Variants in ZNF718 observed in about 807,000 individuals in gnomAD.
The protein encoded by ZNF718 is zinc finger protein 718.
In ZNF718, 3 loss-of-function variants were observed where a neutral mutation model predicts 2.6. The ratio of observed to expected loss-of-function variants is 1.16; its 90% CI spans 0.53 to 3.01. The LOEUF (loss-of-function observed/expected upper bound fraction) is 3.01, where lower values mean the gene tolerates loss of function less well. Ranked by LOEUF, ZNF718 falls within the 30% of genes most tolerant of loss-of-function variation. The pLI, the probability that ZNF718 is intolerant of heterozygous loss-of-function variation, is 0.03. For missense variants in ZNF718, 468 were observed against 230.0 expected (o/e 2.03, Z -6.69); for synonymous variants, 135 against 77.9 (o/e 1.73, Z -3.86).
intron 3 of ZNF718, among the ~76,000 whole-genome samples, chr4:133,736 A>C (rs1485041765): frequency 6.6e-6 from 1 of 152,192 alleles, no homozygotes; most frequent in African/African-American, 2.4e-5. Flanking sequence ...CTTTTCATGA[A>C]CCTATTTTGA....
chr4:200,615 C>T (rs1444804852), intron 3 of ZNF718, among the ~76,000 whole-genome samples: 1 of 151,918 alleles, frequency 6.6e-6, no homozygotes, highest in African/African-American at 2.4e-5. Context: ...CAGACTAGTA[C>T]AATACCAGAA....
At chr4:141,718 T>C (rs1265911109) in intron 3 of ZNF718, among the ~76,000 whole-genome samples, 1 of 152,236 alleles carries the variant, frequency 6.6e-6, no homozygotes, top group African/African-American at 2.4e-5. Flanking sequence ...TCAATTATAA[T>C]TATGGTTATT....
chr4:173,293 ACT>A (rs1448043658), intron 3 of ZNF718, among the ~76,000 whole-genome samples: 2 of 152,046 alleles, frequency 1.3e-5, no homozygotes, highest in African/African-American at 4.8e-5. Flanking sequence ...CAAGCAGTAT[ACT>A]CTGATTTTAT....
chr4:187,747 C>T (rs1717597805), intron 3 of ZNF718, among the ~76,000 whole-genome samples: 1 of 152,092 alleles, frequency 6.6e-6, no homozygotes, highest in South Asian at 2.1e-4. Flanking sequence ...AAGGAGGAGT[C>T]TGGCTGTGTT....
At chr4:132,205 T>G (rs1414984847) in intron 3 of ZNF718, among the ~76,000 whole-genome samples, 1 of 101,600 alleles carries the variant, frequency 9.8e-6, no homozygotes, top group African/African-American at 3.4e-5. Context: ...CTGGGCAATA[T>G]AGAGCTAGAC....
intron 3 of ZNF718, among the ~76,000 whole-genome samples, chr4:171,549 G>C (rs1414305735): frequency 1.3e-5 from 2 of 152,066 alleles, no homozygotes; most frequent in Non-Finnish European, 2.9e-5. Flanking sequence ...AATGGTGGGC[G>C]CCCCTCCCCC....
At chr4:153,039 T>TATA (rs1716401000) in intron 3 of ZNF718, among the ~76,000 whole-genome samples, 1 of 150,006 alleles carries the variant, frequency 6.7e-6, no homozygotes, top group Admixed American at 6.8e-5. Flanking sequence ...CTTTATATGT[T>TATA]TGGGTTTCCC....
chr4:198,694 AG>A (rs1200027998), intron 3 of ZNF718, among the ~76,000 whole-genome samples: 2 of 152,208 alleles, frequency 1.3e-5, no homozygotes, highest in Non-Finnish European at 2.9e-5. Context: ...TACACCTTTC[AG>A]CCCTGGGAAG....
Position 160,968 on chromosome 4 carries a change from T to C in ZNF718, c.283T>C (p.Phe95Leu), listed in dbSNP as rs567614136. Residue 95 changes from phenylalanine (F) to leucine (L), a missense_variant, in exon 4 of 4, where the codon TTC (phenylalanine) becomes CTC (leucine). Phe to Leu is a conservative substitution (Grantham distance 22). Coordinates refer to ENST00000510175, the MANE Select transcript of ZNF718 (RefSeq NM_001039127.6). ...GACAGTGCAGGGCATAGAAGATTCA[T>C]TCCACAAACTTATACCAAAAGGACA... The part of the protein sequence containing the change: ...LWTVQGIEDS[F>L]HKLIPKGHEK... The C allele has an allele frequency of 3.8e-6, 3 of 780,918 alleles. No homozygotes were observed. The East Asian group carries it at 7.3e-5, about 19-fold the overall frequency. 48.4% of individuals were successfully genotyped at this position (780,918 alleles called of 1,614,324 possible).
At chr4:189,318 A>T (rs755646639) in intron 3 of ZNF718, among the ~76,000 whole-genome samples, 1 of 152,048 alleles carries the variant, frequency 6.6e-6, no homozygotes, top group Non-Finnish European at 1.5e-5. Flanking sequence ...AGTTTTAAAA[A>T]TTTCTTTCAG....
At chr4:170,137 A>G (rs541047063) in intron 3 of ZNF718, among the ~76,000 whole-genome samples, 1 of 152,112 alleles carries the variant, frequency 6.6e-6, no homozygotes. Flanking sequence ...GAAATTCTAA[A>G]TTGAAAATTC....
chr4:185,417 T>C (rs1382048414), intron 3 of ZNF718, among the ~76,000 whole-genome samples: 1 of 152,154 alleles, frequency 6.6e-6, no homozygotes, highest in Non-Finnish European at 1.5e-5. Flanking sequence ...GTTTTAATAC[T>C]GATTATATGG....
At chr4:200,379 G>A (rs1304936614) in intron 3 of ZNF718, among the ~76,000 whole-genome samples, 1 of 152,062 alleles carries the variant, frequency 6.6e-6, no homozygotes, top group African/African-American at 2.4e-5. Context: ...GGCAATTTTT[G>A]TGCCTCAGCC....
At chr4:180,254 C>G (rs781929464) in intron 3 of ZNF718, among the ~76,000 whole-genome samples, 5 of 152,096 alleles carry the variant, frequency 3.3e-5, no homozygotes, top group Non-Finnish European at 7.4e-5. Flanking sequence ...GAAACTAATT[C>G]CAGTTGTCTA....
intron 3 of ZNF718, among the ~76,000 whole-genome samples, chr4:194,767 T>G (rs1188265197): frequency 3.3e-5 from 5 of 152,206 alleles, no homozygotes; most frequent in Admixed American, 1.3e-4. Flanking sequence ...CTGGGCCAAA[T>G]TCTCCAGAAT....
At chr4:185,387 T>C (rs545426573) in intron 3 of ZNF718, among the ~76,000 whole-genome samples, 49 of 152,290 alleles carry the variant, frequency 3.2e-4, no homozygotes, top group Non-Finnish European at 6.5e-4. Flanking sequence ...GATTTTAGTT[T>C]TTTGCACTTG....
intron 1 of ZNF718, among the ~76,000 whole-genome samples, chr4:126,866 C>G (rs1553808158): frequency 6.7e-6 from 1 of 149,280 alleles, no homozygotes; most frequent in Non-Finnish European, 1.5e-5. Context: ...TTCGCTGTGT[C>G]GCCAGGCTGG....
chr4:190,257 C>T (rs1474244421), intron 3 of ZNF718, among the ~76,000 whole-genome samples: 3 of 151,702 alleles, frequency 2.0e-5, no homozygotes, highest in Admixed American at 6.6e-5. Flanking sequence ...AGTGAAACCC[C>T]GCCTGTACTA....
intron 3 of ZNF718, among the ~76,000 whole-genome samples, chr4:153,340 G>C (rs1716420687): frequency 6.6e-6 from 1 of 152,050 alleles, no homozygotes; most frequent in Non-Finnish European, 1.5e-5. Context: ...ATGGAGTCAG[G>C]TAGTGTGATG....
Sources: allele counts gnomAD v4.1 joint callset (sites outside exome capture counted in the v4.1 genomes callset), GRCh38; gene constraint gnomAD v4.1.1; transcripts MANE v1.5; gene names NCBI Gene and HGNC (gene_info 2026-07-23, HGNC 2026-07-21).